The following IGF1R variants were observed in gnomAD, a reference collection of about 807,000 sequenced individuals.
IGF1R encodes the protein insulin like growth factor 1 receptor.
A neutral mutation model predicts 144.6 loss-of-function variants in IGF1R; 44 were observed. That is an observed-to-expected ratio of 0.30 (90% CI 0.24 to 0.39). The LOEUF (loss-of-function observed/expected upper bound fraction) is 0.39. IGF1R is among the 10% of genes least tolerant of loss of function. The pLI, the probability that IGF1R is intolerant of heterozygous loss-of-function variation, is 1.00. For missense variants in IGF1R, 1,355 were observed against 1,833.7 expected (o/e 0.74, Z 4.77); for synonymous variants, 795 against 722.8 (o/e 1.10, Z -1.60).
At chr15:98,945,950 A>G (rs2016532810) in intron 19 of IGF1R, among the ~76,000 whole-genome samples, 1 of 151,886 alleles carries the variant, frequency 6.6e-6, no homozygotes, top group Non-Finnish European at 1.5e-5. Flanking sequence ...TACCTCCTGT[A>G]TCGTTGCCTG....
chr15:98,795,098 A>G (rs1158408615), intron 2 of IGF1R, among the ~76,000 whole-genome samples: 1 of 150,012 alleles, frequency 6.7e-6, no homozygotes, highest in African/African-American at 2.5e-5. Flanking sequence ...TATGTTCATA[A>G]CATTTAACCC....
intron 13 of IGF1R, among the ~76,000 whole-genome samples, 188 bp downstream of exon 13, chr15:98,924,872 C>T (rs577009465): frequency 5.9e-5 from 9 of 152,270 alleles, no homozygotes; most frequent in East Asian, 1.9e-4. Context: ...GGGCAGATGC[C>T]GAGCTTTGGG....
At chr15:98,895,588 C>G (rs759375369) in intron 3 of IGF1R, among the ~76,000 whole-genome samples, 8 of 151,940 alleles carry the variant, frequency 5.3e-5, no homozygotes, top group Non-Finnish European at 1.2e-4. Context: ...CCTGTAGGAC[C>G]CTTGGGGAAG....
chr15:98,806,105 T>C (rs2056465003), intron 2 of IGF1R, among the ~76,000 whole-genome samples: 1 of 152,144 alleles, frequency 6.6e-6, no homozygotes, highest in African/African-American at 2.4e-5. Flanking sequence ...CTTGATAACT[T>C]CTGTAGATGT....
chr15:98,905,119 C>T (rs2151665055), intron 5 of IGF1R, among the ~76,000 whole-genome samples: 1 of 152,250 alleles, frequency 6.6e-6, no homozygotes, highest in South Asian at 2.1e-4. Flanking sequence ...CTTTGGATTC[C>T]CAGATGGAGT....
intron 18 of IGF1R, among the ~76,000 whole-genome samples, chr15:98,940,080 T>G (rs554622415): frequency 6.6e-6 from 1 of 152,352 alleles, no homozygotes; most frequent in East Asian, 1.9e-4. Flanking sequence ...TAGGTTTGTG[T>G]TTTTACTTCG....
rs751738978 is a variant in IGF1R, at chr15:98,924,638, G to A, written c.2736G>A (p.Gly912=). Reference sequence around the variant, plus strand: ...GGATTCAGGCCACATCTCTCTCTGGGAATGGGTCGTGGACAGATCCTGTGT... The same window carrying A: ...GGATTCAGGCCACATCTCTCTCTGGAAATGGGTCGTGGACAGATCCTGTGT... ...TARIQATSLS[G]NGSWTDPVFF... Residue 912 remains glycine (G), a synonymous_variant, in exon 13 of 21, where the codon GGG becomes GGA. Transcript: ENST00000650285. 12 of 1,614,126 alleles carry A rather than the reference G, an allele frequency of 7.4e-6. No homozygotes were observed. In the East Asian group the frequency reaches 2.4e-4, roughly 33 times the overall value.
chr15:98,758,370 C>T (rs893678072), intron 2 of IGF1R, among the ~76,000 whole-genome samples: 1 of 152,132 alleles, frequency 6.6e-6, no homozygotes, highest in African/African-American at 2.4e-5. Flanking sequence ...CCTCAGGCTC[C>T]TGCGTCGTCC....
intron 2 of IGF1R, among the ~76,000 whole-genome samples, chr15:98,878,999 GA>G (rs369590184): frequency 4.4e-4 from 65 of 148,446 alleles, no homozygotes; most frequent in African/African-American, 1.4e-3. Context: ...CTGACTCAAA[GA>G]AAAAAAAAAT....
intron 1 of IGF1R, among the ~76,000 whole-genome samples, chr15:98,667,901 G>A (rs539220240): frequency 6.6e-6 from 1 of 152,152 alleles, no homozygotes; most frequent in East Asian, 2.0e-4. Flanking sequence ...AGGAGGTGGT[G>A]TCAGATGATG....
intron 2 of IGF1R, among the ~76,000 whole-genome samples, chr15:98,758,123 C>T (rs960239036): frequency 1.1e-4 from 17 of 151,876 alleles, no homozygotes; most frequent in African/African-American, 3.4e-4. Context: ...TGCTCTTGGG[C>T]GCTCGCATTT....
At chr15:98,734,906 C>T (rs1055448202) in intron 2 of IGF1R, among the ~76,000 whole-genome samples, 1 of 152,174 alleles carries the variant, frequency 6.6e-6, no homozygotes, top group African/African-American at 2.4e-5. Flanking sequence ...TCTATGCAGC[C>T]TGTATGTAAA....
intron 1 of IGF1R, among the ~76,000 whole-genome samples, chr15:98,686,326 G>A (rs549226157): frequency 6.6e-6 from 1 of 152,292 alleles, no homozygotes; most frequent in East Asian, 1.9e-4. Context: ...GTCTGTCGAT[G>A]GACACTTGAG....
chr15:98,818,345 A>G (rs893745866), intron 2 of IGF1R, among the ~76,000 whole-genome samples: 2 of 152,142 alleles, frequency 1.3e-5, no homozygotes, highest in Non-Finnish European at 2.9e-5. Context: ...CTCAATACAC[A>G]GTGGAAGTTG....
At chr15:98,911,795 C>G (rs770446814) in intron 7 of IGF1R, among the ~76,000 whole-genome samples, 1 of 152,184 alleles carries the variant, frequency 6.6e-6, no homozygotes, top group African/African-American at 2.4e-5. Context: ...ACTGAAATAT[C>G]GTTTCAGCCT....
At chr15:98,801,146 C>G (rs564346400) in intron 2 of IGF1R, among the ~76,000 whole-genome samples, 5 of 152,250 alleles carry the variant, frequency 3.3e-5, no homozygotes, top group African/African-American at 9.6e-5. Context: ...GGTGGCCTCC[C>G]TCTCCCCAAC....
At chr15:98,686,036 C>G (rs756851222) in intron 1 of IGF1R, among the ~76,000 whole-genome samples, 2 of 152,234 alleles carry the variant, frequency 1.3e-5, no homozygotes, top group Non-Finnish European at 2.9e-5. Flanking sequence ...TCAAACAACT[C>G]CCCATTGCCT....
At chr15:98,694,383 T>G (rs911689661) in intron 1 of IGF1R, among the ~76,000 whole-genome samples, 1 of 152,126 alleles carries the variant, frequency 6.6e-6, no homozygotes, top group African/African-American at 2.4e-5. Flanking sequence ...TCAGAGAAGA[T>G]GAGCCATAGG....
intron 2 of IGF1R, among the ~76,000 whole-genome samples, chr15:98,764,757 T>C (rs1161054551): frequency 1.3e-5 from 2 of 152,248 alleles, no homozygotes; most frequent in Non-Finnish European, 2.9e-5. Flanking sequence ...TGTTTTGGAC[T>C]TCCTCTTTGG....
Sources: allele counts gnomAD v4.1 joint callset (sites outside exome capture counted in the v4.1 genomes callset), GRCh38; gene constraint gnomAD v4.1.1; transcripts MANE v1.5; gene names NCBI Gene and HGNC (gene_info 2026-07-23, HGNC 2026-07-21).